Variants in DPYS observed in about 807,000 individuals in gnomAD.
The protein encoded by DPYS is dihydropyrimidinase, also known as dihydropyrimidine amidohydrolase.
DPYS carries 39 observed loss-of-function variants against 50.3 expected under a neutral mutation model. The observed-to-expected ratio is 0.78, with a 90% CI of 0.60 to 1.01. The LOEUF (loss-of-function observed/expected upper bound fraction) is 1.01, where lower values mean the gene tolerates loss of function less well. Among genes scored for constraint, DPYS ranks in the 50% least tolerant of loss-of-function variants. The pLI, the probability that DPYS is intolerant of heterozygous loss-of-function variation, is 0.00. For missense variants in DPYS, 659 were observed against 680.9 expected, an observed-to-expected ratio of 0.97 and a Z score of 0.36; for synonymous variants, 245 against 250.7, an observed-to-expected ratio of 0.98 and a Z score of 0.22.
At chr8:104,433,862 A>G (rs1005799607) in intron 4 of DPYS, among the ~76,000 whole-genome samples, 1 of 152,180 alleles carries the variant, frequency 6.6e-6, no homozygotes, top group Non-Finnish European at 1.5e-5. Context: ...CAAGAGGAAT[A>G]TATGGGAGAC....
intron 7 of DPYS, 64 bp from the exon 8 acceptor site, chr8:104,393,055 T>C: frequency 6.8e-7 from 1 of 1,475,258 alleles, no homozygotes; most frequent in Non-Finnish European, 9.4e-7. Context: ...AAATATAAAA[T>C]ATTAAAAGAA....
chr8:104,444,153 A>G (rs1813448356), intron 4 of DPYS, 95 bp downstream of exon 4: 7 of 1,361,744 alleles, frequency 5.1e-6, no homozygotes, highest in Non-Finnish European at 7.2e-6. Context: ...GGAAATCCAC[A>G]TGCACTTTCT....
chr8:104,398,974 G>C (rs900211347), intron 7 of DPYS, among the ~76,000 whole-genome samples: 2 of 152,166 alleles, frequency 1.3e-5, no homozygotes, highest in Admixed American at 1.3e-4. Context: ...TGCTTTGAAG[G>C]CTGGGAGATA....
intron 8 of DPYS, among the ~76,000 whole-genome samples, chr8:104,387,820 G>T (rs1455924675): frequency 6.6e-6 from 1 of 152,152 alleles, no homozygotes; most frequent in African/African-American, 2.4e-5. Context: ...TGTGTGTAGT[G>T]ATGTGTTGGT....
intron 7 of DPYS, among the ~76,000 whole-genome samples, chr8:104,412,485 G>A (rs369033646): frequency 1.3e-5 from 2 of 152,224 alleles, no homozygotes; most frequent in African/African-American, 4.8e-5. Flanking sequence ...TGTGTGTGCG[G>A]TTAGAATGAT....
Position 104,442,322 on chromosome 8 carries a change from C to T in DPYS, c.793+1926G>A, listed in dbSNP as rs140260158. On this transcript the variant is annotated intron_variant, in intron 4 of 9. Coordinates refer to ENST00000351513, the MANE Select transcript of DPYS (RefSeq NM_001385.3). Reference sequence around the variant, plus strand: ...TTCTATCCCAATGCAAAACAAATACCCAAGATCAAGAAACTGCTTCCTGAC... The same window carrying T: ...TTCTATCCCAATGCAAAACAAATACTCAAGATCAAGAAACTGCTTCCTGAC... Among the ~76,000 whole-genome samples, 3 of 152,116 alleles carry T rather than the reference C, an allele frequency of 2.0e-5. No homozygotes were observed. The South Asian group carries it at 6.2e-4, about 32-fold the overall frequency.
Position 104,428,955 on chromosome 8 carries a change from C to T in DPYS, c.950+590G>A, listed in dbSNP as rs1339450452. ...AAGTGATTCTCGTGCCTCAGCCTCC[C>T]GAGTAACTGGGATTACAGGCATAAG... On this transcript the variant is annotated intron_variant, in intron 5 of 9. Coordinates refer to ENST00000351513, the MANE Select transcript of DPYS (RefSeq NM_001385.3). 5.3e-5 allele frequency among the ~76,000 whole-genome samples: 8 copies of T among 151,978 alleles called. No individual in the cohort carries two copies. In the South Asian group the frequency reaches 1.0e-3, roughly 20 times the overall value.
chr8:104,427,296 G>A (rs993364057), intron 6 of DPYS, among the ~76,000 whole-genome samples: 1 of 108,086 alleles, frequency 9.3e-6, no homozygotes, highest in Non-Finnish European at 1.9e-5. Flanking sequence ...TTTTTTTTTT[G>A]TGATGGAGTC....
intron 1 of DPYS, among the ~76,000 whole-genome samples, chr8:104,464,926 C>T (rs1718751958): frequency 6.6e-6 from 1 of 152,100 alleles, no homozygotes; most frequent in South Asian, 2.1e-4. Context: ...AATGAATAAA[C>T]AAAACAAAGT....
chr8:104,453,531 G>T (rs191275968), intron 1 of DPYS, among the ~76,000 whole-genome samples: 1 of 152,332 alleles, frequency 6.6e-6, no homozygotes, highest in African/African-American at 2.4e-5. Context: ...ACTATTCTTT[G>T]TATTCTTTCC....
Position 104,429,677 on chromosome 8 carries a change from AT to A in DPYS, c.817del (p.Ile273Ter). The A allele has an allele frequency of 6.2e-7, 1 of 1,614,124 alleles. No homozygotes were observed. Among genetic ancestry groups the A allele is most frequent in the South Asian group, 1.1e-5 (1 of 91,086 alleles). On this transcript the variant is annotated frameshift_variant, in exon 5 of 10. Coordinates refer to ENST00000351513, the MANE Select transcript of DPYS (RefSeq NM_001385.3). LOFTEE classifies it high-confidence loss of function. ...GCCATCTGTGCCAAGACTGGCTGCT[AT>A]GGGTTCACCATAGACCACCTTCCCT... ...RDGKVVYGEP[I>X]AASLGTDGTH...
intron 4 of DPYS, among the ~76,000 whole-genome samples, chr8:104,432,806 A>G (rs1276519733): frequency 6.6e-6 from 1 of 152,198 alleles, no homozygotes; most frequent in Non-Finnish European, 1.5e-5. Flanking sequence ...AAAGTCAAAT[A>G]AATTAATGTT....
At chr8:104,463,427 GTCA>G (rs1356096570) in intron 1 of DPYS, among the ~76,000 whole-genome samples, 5 of 152,160 alleles carry the variant, frequency 3.3e-5, no homozygotes, top group Non-Finnish European at 5.9e-5. Flanking sequence ...ATATGGCTCT[GTCA>G]TCTATCACTT....
At chr8:104,456,161 T>C (rs1033233677) in intron 1 of DPYS, among the ~76,000 whole-genome samples, 7 of 152,172 alleles carry the variant, frequency 4.6e-5, no homozygotes, top group African/African-American at 1.4e-4. Context: ...CCATAGCATA[T>C]AGCCTAGGCG....
intron 8 of DPYS, 100 bp from the exon 9 acceptor site, chr8:104,381,414 T>A: frequency 8.9e-7 from 1 of 1,129,392 alleles, no homozygotes; most frequent in Non-Finnish European, 1.3e-6. Context: ...AAAAAAAGAA[T>A]CTTATAAATT....
At chr8:104,387,776 A>G (rs1564078448) in intron 8 of DPYS, among the ~76,000 whole-genome samples, 1 of 152,248 alleles carries the variant, frequency 6.6e-6, no homozygotes, top group Non-Finnish European at 1.5e-5. Context: ...GATTGATTAG[A>G]TAAAGCATGA....
chr8:104,425,744 A>G (rs1812701251), intron 6 of DPYS, among the ~76,000 whole-genome samples: 1 of 152,182 alleles, frequency 6.6e-6, no homozygotes, highest in African/African-American at 2.4e-5. Context: ...GACAGAATTC[A>G]GAGGGGTGTG....
chr8:104,452,260 C>G (rs1813770593), intron 1 of DPYS, among the ~76,000 whole-genome samples: 1 of 152,160 alleles, frequency 6.6e-6, no homozygotes, highest in Non-Finnish European at 1.5e-5. Flanking sequence ...TTATTTAAAT[C>G]AATTTCATTT....
chr8:104,445,344 C>T (rs1219317996), intron 3 of DPYS, among the ~76,000 whole-genome samples: 1 of 152,170 alleles, frequency 6.6e-6, no homozygotes, highest in Non-Finnish European at 1.5e-5. Flanking sequence ...CTGTTCACTA[C>T]AGCCAAGATC....
Sources: allele counts gnomAD v4.1 joint callset (sites outside exome capture counted in the v4.1 genomes callset), GRCh38; gene constraint gnomAD v4.1.1; transcripts MANE v1.5; gene names NCBI Gene and HGNC (gene_info 2026-07-23, HGNC 2026-07-21).